The following NCKAP5 variants were observed in gnomAD, a reference collection of about 807,000 sequenced individuals.
NCKAP5 encodes the protein NCK associated protein 5.
NCKAP5 carries 92 observed loss-of-function variants against 167.0 expected under a neutral mutation model. The ratio of observed to expected loss-of-function variants is 0.55; its 90% CI spans 0.47 to 0.66. The LOEUF (loss-of-function observed/expected upper bound fraction) is 0.66, where lower values mean the gene tolerates loss of function less well. NCKAP5 is among the 30% of genes least tolerant of loss of function. The pLI, the probability that NCKAP5 is intolerant of heterozygous loss-of-function variation, is 0.00. For synonymous variants in NCKAP5, 891 were observed against 877.4 expected, an observed-to-expected ratio of 1.02 and a Z score of -0.27; for missense variants, 2,378 against 2,315.0, an observed-to-expected ratio of 1.03 and a Z score of -0.56.
intron 8 of NCKAP5, among the ~76,000 whole-genome samples, chr2:132,906,166 G>A (rs1558925818): frequency 6.6e-6 from 1 of 152,164 alleles, no homozygotes; most frequent in South Asian, 2.1e-4. Context: ...CTAAGATGGT[G>A]TTTGGATTTC....
At chr2:133,481,487 A>T (rs1680425730) in intron 3 of NCKAP5, among the ~76,000 whole-genome samples, 1 of 152,060 alleles carries the variant, frequency 6.6e-6, no homozygotes, top group Non-Finnish European at 1.5e-5. Context: ...GCACACATAA[A>T]CTTGTGTCAT....
chr2:133,406,610 G>A (rs1688452774), intron 3 of NCKAP5, among the ~76,000 whole-genome samples: 1 of 137,810 alleles, frequency 7.3e-6, no homozygotes, highest in Non-Finnish European at 1.6e-5. Context: ...GGGAGGGAGG[G>A]AGGGAGGGAA....
At chr2:133,152,623 T>G (rs898475543) in intron 5 of NCKAP5, among the ~76,000 whole-genome samples, 1 of 152,138 alleles carries the variant, frequency 6.6e-6, no homozygotes, top group African/African-American at 2.4e-5. Flanking sequence ...GAATGAGCTA[T>G]CAAGCCATGA....
chr2:133,548,827 GC>G (rs1284635011), intron 2 of NCKAP5, among the ~76,000 whole-genome samples: 1 of 151,474 alleles, frequency 6.6e-6, no homozygotes, highest in Non-Finnish European at 1.5e-5. Flanking sequence ...CAACTAACGA[GC>G]AAAATCACCA....
intron 3 of NCKAP5, among the ~76,000 whole-genome samples, chr2:133,328,999 G>A (rs901463219): frequency 3.9e-5 from 6 of 151,954 alleles, no homozygotes; most frequent in Admixed American, 6.5e-5. Context: ...GAAAAAGAAA[G>A]GCAATAAAAA....
chr2:133,074,182 T>G (rs1218545131), intron 6 of NCKAP5, among the ~76,000 whole-genome samples: 1 of 152,126 alleles, frequency 6.6e-6, no homozygotes, highest in Non-Finnish European at 1.5e-5. Flanking sequence ...TATTTTGACT[T>G]TGACAAAGGA....
At chr2:132,858,742 T>C (rs1050781190) in intron 11 of NCKAP5, among the ~76,000 whole-genome samples, 1 of 152,174 alleles carries the variant, frequency 6.6e-6, no homozygotes, top group African/African-American at 2.4e-5. Context: ...TGAAAACACC[T>C]AATGAATAAA....
chr2:133,211,785 AT>A (rs1278636296), intron 5 of NCKAP5, among the ~76,000 whole-genome samples: 1 of 152,210 alleles, frequency 6.6e-6, no homozygotes, highest in Non-Finnish European at 1.5e-5. Flanking sequence ...ATAATGAAAC[AT>A]TCGTAACTTT....
intron 3 of NCKAP5, among the ~76,000 whole-genome samples, chr2:133,430,428 T>C (rs998316874): frequency 6.6e-6 from 1 of 152,166 alleles, no homozygotes; most frequent in Non-Finnish European, 1.5e-5. Context: ...TTTGGAGTCT[T>C]CATCATAAAT....
intron 3 of NCKAP5, among the ~76,000 whole-genome samples, chr2:133,461,819 T>C (rs1559500861): frequency 1.3e-5 from 2 of 152,312 alleles, no homozygotes; most frequent in East Asian, 3.9e-4. Context: ...AAATGGACTT[T>C]ATGAGTAGCT....
the NCKAP5 span, among the ~76,000 whole-genome samples, chr2:133,592,723 C>T: frequency 6.6e-6 from 1 of 152,186 alleles, no homozygotes. Flanking sequence ...TACACTTTGC[C>T]TACACTTTTG....
intron 6 of NCKAP5, among the ~76,000 whole-genome samples, chr2:133,027,524 T>C (rs1573789672): frequency 6.6e-6 from 1 of 152,152 alleles, no homozygotes; most frequent in Non-Finnish European, 1.5e-5. Flanking sequence ...GTGTAAGTGG[T>C]AGAGCTGGAA....
At chr2:133,327,722 G>C (rs1489782264) in intron 3 of NCKAP5, among the ~76,000 whole-genome samples, 1 of 152,078 alleles carries the variant, frequency 6.6e-6, no homozygotes, top group Non-Finnish European at 1.5e-5. Flanking sequence ...TTTGTTAATT[G>C]CTTCAATATT....
intron 5 of NCKAP5, among the ~76,000 whole-genome samples, chr2:133,188,518 G>A (rs1027703371): frequency 2.0e-5 from 3 of 151,980 alleles, no homozygotes; most frequent in Non-Finnish European, 2.9e-5. Context: ...TTCCAAAACT[G>A]ACCACATAGT....
At position 132,784,353 on chromosome 2, in the gene NCKAP5, C is replaced by T. The variant is rs199880553; in HGVS notation, c.2458G>A (p.Glu820Lys). ...GATGAAGGGAGTAGTGTGGTGGCTT[C>T]GGGCTCCATTAGTTTTGATTTCTGA... ...SPQKSKLMEP[E>K]ATTLLPSSGL... is the part of the protein sequence containing the mutation. Residue 820 changes from glutamate (E) to lysine (K), a missense_variant, in exon 14 of 20, where the codon GAA becomes AAA. Glu to Lys is a moderately conservative substitution (Grantham distance 56). Transcript: ENST00000409261. The T allele has an allele frequency of 1.1e-5, 18 of 1,613,964 alleles. No individual in the cohort carries two copies. Among genetic ancestry groups the T allele is most frequent in the South Asian group, 3.3e-5 (3 of 91,082 alleles).
chr2:133,075,813 T>C (rs2080582094), intron 6 of NCKAP5, among the ~76,000 whole-genome samples: 1 of 151,784 alleles, frequency 6.6e-6, no homozygotes, highest in African/African-American at 2.4e-5. Context: ...AAGCAAAAGA[T>C]GGGAGAAAAA....
At chr2:132,757,790 C>T (rs1463658173) in intron 16 of NCKAP5, among the ~76,000 whole-genome samples, 1 of 152,178 alleles carries the variant, frequency 6.6e-6, no homozygotes, top group Non-Finnish European at 1.5e-5. Flanking sequence ...TTGAAATCCC[C>T]TTGGCTTGCT....
chr2:133,370,374 G>A (rs528349856), intron 3 of NCKAP5, among the ~76,000 whole-genome samples: 6 of 152,286 alleles, frequency 3.9e-5, no homozygotes, highest in Non-Finnish European at 7.4e-5. Flanking sequence ...TATGAGGAAG[G>A]ACAGGAAGGA....
chr2:133,554,718 G>A (rs1184454544), intron 2 of NCKAP5, among the ~76,000 whole-genome samples: 1 of 152,104 alleles, frequency 6.6e-6, no homozygotes, highest in African/African-American at 2.4e-5. Context: ...TGGGAAATTG[G>A]CAATGACAAG....
Sources: allele counts gnomAD v4.1 joint callset (sites outside exome capture counted in the v4.1 genomes callset), GRCh38; gene constraint gnomAD v4.1.1; transcripts MANE v1.5; gene names NCBI Gene and HGNC (gene_info 2026-07-23, HGNC 2026-07-21).